The following KLHL2 variants were observed in gnomAD, a reference collection of about 807,000 sequenced individuals.
The protein encoded by KLHL2 is kelch like family member 2, also known as kelch-like protein 2.
Under a neutral mutation model 75.8 loss-of-function variants are expected in KLHL2, and 15 were observed. The ratio of observed to expected loss-of-function variants is 0.20; its 90% confidence interval spans 0.13 to 0.30. KLHL2 has a LOEUF of 0.30. Ranked by LOEUF, KLHL2 falls within the 10% of genes least tolerant of loss-of-function variation. KLHL2 has a pLI of 1.00. For synonymous variants in KLHL2, 214 were observed against 251.9 expected (o/e 0.85, Z 1.42); for missense variants, 381 against 741.0 (o/e 0.51, Z 5.64).
chr4:165,311,119 A>C (rs1319824597), intron 10 of KLHL2, among the ~76,000 whole-genome samples: 1 of 152,098 alleles, frequency 6.6e-6, no homozygotes, highest in Non-Finnish European at 1.5e-5. Context: ...GGCCTCCCAA[A>C]GTGCTGGGAT....
chr4:165,216,041 A>T (rs1401646680), intron 1 of KLHL2, among the ~76,000 whole-genome samples: 1 of 152,188 alleles, frequency 6.6e-6, no homozygotes, highest in Admixed American at 6.5e-5. Context: ...AGCCAATAAT[A>T]AATATCTAAA....
intron 13 of KLHL2, among the ~76,000 whole-genome samples, chr4:165,316,112 T>TTTTA (rs1299094868): frequency 6.6e-6 from 1 of 152,182 alleles, no homozygotes; most frequent in Non-Finnish European, 1.5e-5. Flanking sequence ...AAAAGGAATC[T>TTTTA]GGTGTTGTGA....
At chr4:165,230,811 C>A (rs1343243211) in intron 3 of KLHL2, among the ~76,000 whole-genome samples, 1 of 152,244 alleles carries the variant, frequency 6.6e-6, no homozygotes, top group African/African-American at 2.4e-5. Context: ...ATTTCAGTTT[C>A]CCTCTTCTGT....
At chr4:165,276,195 G>T (rs1043928931) in intron 5 of KLHL2, among the ~76,000 whole-genome samples, 1 of 152,100 alleles carries the variant, frequency 6.6e-6, no homozygotes, top group Admixed American at 6.5e-5. Flanking sequence ...CCATTCTTTG[G>T]CTCTTAACTC....
intron 11 of KLHL2, among the ~76,000 whole-genome samples, chr4:165,312,696 T>G (rs183308587): frequency 1.1e-4 from 17 of 152,348 alleles, no homozygotes; most frequent in African/African-American, 3.8e-4. Context: ...TTCTATCACT[T>G]AGAGATTTGC....
At chr4:165,224,617 A>C (rs1482950973) in intron 2 of KLHL2, among the ~76,000 whole-genome samples, 1 of 152,220 alleles carries the variant, frequency 6.6e-6, no homozygotes, top group Admixed American at 6.5e-5. Flanking sequence ...TGCATCCATA[A>C]AAACATTTGA....
chr4:165,279,577 C>A (rs770424494), intron 5 of KLHL2: 2 of 1,600,670 alleles, frequency 1.2e-6, no homozygotes, highest in South Asian at 2.2e-5. Flanking sequence ...CCAAAAAGCG[C>A]GTGGAACTGG....
intron 4 of KLHL2, among the ~76,000 whole-genome samples, chr4:165,260,195 T>G (rs1389038485): frequency 1.3e-5 from 2 of 152,176 alleles, no homozygotes; most frequent in Admixed American, 6.5e-5. Context: ...GCTATTGAAG[T>G]TTAGTCCTAG....
Position 165,247,751 on chromosome 4 carries a change from G to A in KLHL2, c.381+8852G>A, listed in dbSNP as rs116689540. ...GCAAGTAATTAGCCAAAAGGAAGATGAGGAAGAGGGATGCTGGAGATTTGA... is the reference window on the plus strand; with the variant it reads ...GCAAGTAATTAGCCAAAAGGAAGATAAGGAAGAGGGATGCTGGAGATTTGA... On this transcript the variant is annotated intron_variant, in intron 4 of 14. Transcript: ENST00000226725. Among the ~76,000 whole-genome samples the A allele has an allele frequency of 7.8e-3, 1,191 of 152,316 alleles. 16 individuals carry two copies. Among genetic ancestry groups the A allele is most frequent in the African/African-American group, 0.028 (1,143 of 41,562 alleles).
chr4:165,243,470 A>G (rs1048094504), intron 4 of KLHL2, among the ~76,000 whole-genome samples: 4 of 152,242 alleles, frequency 2.6e-5, no homozygotes, highest in Non-Finnish European at 4.4e-5. Flanking sequence ...AACATCTGAC[A>G]GTTTTGAATG....
At chr4:165,244,386 C>T (rs1052125438) in intron 4 of KLHL2, among the ~76,000 whole-genome samples, 1 of 152,146 alleles carries the variant, frequency 6.6e-6, no homozygotes, top group East Asian at 1.9e-4. Flanking sequence ...CGTGTGCAAG[C>T]ACAGTAGAAT....
chr4:165,293,024 A>G (rs1297607927), intron 5 of KLHL2, among the ~76,000 whole-genome samples: 2 of 152,214 alleles, frequency 1.3e-5, no homozygotes, highest in African/African-American at 2.4e-5. Context: ...ACAGATGAGG[A>G]AACCAAGGCT....
rs545075345 is a variant in KLHL2, at chr4:165,296,623, G to A, written c.655-986G>A. 4.6e-5 allele frequency among the ~76,000 whole-genome samples: 7 copies of A among 152,254 alleles called. No individual in the cohort carries two copies. The South Asian group carries it at 1.0e-3, about 23-fold the overall frequency. ...GTGGGCAGTATGGACCAAAAATGAGGTGAGGGCCAGATGAGAGGATGTTGA... is the reference window on the plus strand; with the variant it reads ...GTGGGCAGTATGGACCAAAAATGAGATGAGGGCCAGATGAGAGGATGTTGA... On this transcript the variant is annotated intron_variant, in intron 6 of 14. Transcript: ENST00000226725.
Position 165,310,634 on chromosome 4 carries a change from AC to A in KLHL2, c.1124del (p.Pro375LeufsTer2), listed in dbSNP as rs760520727. 6.2e-7 allele frequency: 1 copy of A among 1,614,020 alleles called. No individual in the cohort carries two copies. Among genetic ancestry groups the A allele is most frequent in the Non-Finnish European group, 8.5e-7 (1 of 1,179,966 alleles). ...SLRVRTVDSY[D>X]PVKDQWTSVA... ...AGAGTTCGCACTGTAGATTCCTACG[AC>A]CCTGTGAAGGACCAGTGGACCAGCG... On this transcript the variant is annotated frameshift_variant, in exon 10 of 15. Transcript: ENST00000226725. LOFTEE classifies it high-confidence loss of function.
intron 2 of KLHL2, among the ~76,000 whole-genome samples, 158 bp downstream of exon 2, chr4:165,220,217 A>G (rs1737872288): frequency 6.6e-6 from 1 of 152,184 alleles, no homozygotes; most frequent in Non-Finnish European, 1.5e-5. Flanking sequence ...AGAGCAAATA[A>G]TTTATCAGAA....
At chr4:165,214,613 C>T (rs1283085112) in intron 1 of KLHL2, among the ~76,000 whole-genome samples, 1 of 152,176 alleles carries the variant, frequency 6.6e-6, no homozygotes, top group Admixed American at 6.5e-5. Context: ...CTCCTCCTGC[C>T]AATGCTTCCC....
In KLHL2 at chr4:165,251,130, TAA is replaced by T. The variant is rs199881659; in HGVS notation, c.382-12056_382-12055del. ...TGCTTGGAAAACACAGGTTAAAACT[TAA>T]AAAAAAAAAATACATAAATTCCTGT... is the stretch of plus-strand genomic sequence containing the variant. On this transcript the variant is annotated intron_variant, in intron 4 of 14. Transcript: ENST00000226725. Among the ~76,000 whole-genome samples, 8 of 146,664 alleles carry T rather than the reference TAA, an allele frequency of 5.5e-5. 1 individual carries two copies. The highest frequency in any genetic ancestry group is 1.4e-4 in the Admixed American group (2 of 14,696).
At chr4:165,235,719 G>A (rs1272302660) in intron 3 of KLHL2, among the ~76,000 whole-genome samples, 2 of 151,838 alleles carry the variant, frequency 1.3e-5, no homozygotes, top group African/African-American at 4.8e-5. Flanking sequence ...GTACCCAACT[G>A]TACCTAATCC....
chr4:165,270,985 A>G (rs879184275), intron 5 of KLHL2, among the ~76,000 whole-genome samples: 1 of 152,124 alleles, frequency 6.6e-6, no homozygotes, highest in African/African-American at 2.4e-5. Flanking sequence ...TGGGTTCTCT[A>G]TTCTGTTCCA....
Sources: gnomAD v4.1 joint callset for allele counts (sites outside exome capture counted in the v4.1 genomes callset) on GRCh38, gnomAD v4.1.1 for gene constraint, MANE v1.5 for transcripts, NCBI Gene and HGNC (gene_info 2026-07-23, HGNC 2026-07-21) for gene names.